TRAF3IP1: variants seen among roughly 807,000 people sequenced by gnomAD.
TRAF3IP1 encodes the protein TRAF3-interacting protein 1.
Under a neutral mutation model 89.9 loss-of-function variants are expected in TRAF3IP1, and 53 were observed. That is an observed-to-expected ratio of 0.59 (90% CI 0.47 to 0.74). The LOEUF is 0.74. Among genes scored for constraint, TRAF3IP1 ranks in the 30% least tolerant of loss-of-function variants. TRAF3IP1 has a pLI of 0.00. For synonymous variants in TRAF3IP1, 311 were observed against 322.1 expected (o/e 0.97, Z 0.37); for missense variants, 806 against 866.1 (o/e 0.93, Z 0.87).
intron 15 of TRAF3IP1, among the ~76,000 whole-genome samples, chr2:238,383,458 G>C (rs572323001): frequency 1.2e-4 from 18 of 152,160 alleles, no homozygotes; most frequent in African/African-American, 4.3e-4. Flanking sequence ...CATCCAACAG[G>C]TGAATGCTCA....
chr2:238,347,473 C>T lies in TRAF3IP1; in HGVS notation c.1280C>T (p.Ala427Val). The change falls in exon 10 of 17, where the codon GCA becomes GTA. Residue 427 changes from alanine (A) to valine (V), a missense_variant and splice_region_variant. Ala to Val is a moderately conservative substitution (Grantham distance 64). Transcript: ENST00000373327. ...EKQKGDSTSD[A>V]EGDAGPAGQD... is the part of the protein sequence containing the mutation. The stretch of plus-strand genomic sequence containing the variant: ...TCTTTAGGTGACTCCACCAGTGATG[C>T]AGGTGAGGAATGGCCTTAGATACCT... 1 of 1,614,008 alleles carries T rather than the reference C, an allele frequency of 6.2e-7. No homozygotes were observed. Among genetic ancestry groups the T allele is most frequent in the Non-Finnish European group, 8.5e-7 (1 of 1,179,984 alleles).
At chr2:238,367,034 C>T (rs995086882) in intron 15 of TRAF3IP1, among the ~76,000 whole-genome samples, 4 of 151,528 alleles carry the variant, frequency 2.6e-5, no homozygotes, top group Middle Eastern at 3.4e-3. Context: ...CGTGGTGGCA[C>T]GTGCCTGTAA....
intron 15 of TRAF3IP1, among the ~76,000 whole-genome samples, chr2:238,392,258 CT>C (rs1469662182): frequency 1.3e-5 from 2 of 152,180 alleles, no homozygotes; most frequent in Non-Finnish European, 2.9e-5. Flanking sequence ...CTTTTGCCCA[CT>C]TTCCCCCAGT....
intron 15 of TRAF3IP1, among the ~76,000 whole-genome samples, chr2:238,386,260 T>TA (rs1700762621): frequency 6.6e-6 from 1 of 152,166 alleles, no homozygotes; most frequent in Non-Finnish European, 1.5e-5. Context: ...GTCTTAGAGT[T>TA]ACAGCAGGCT....
chr2:238,334,078 G>GTTTTTTTTTTTTTTTTTTTTTTTT (rs5839695), intron 7 of TRAF3IP1, 43 bp downstream of exon 7: 1 of 993,672 alleles, frequency 1.0e-6, no homozygotes. Flanking sequence ...ATGGATATTA[G>GTTTTTTTTTTTTTTTTTTTTTTTT]TTTTTTTTTT....
In TRAF3IP1 at chr2:238,328,763, A is replaced by G; in HGVS notation, c.432A>G (p.Ser144=). ...TGAAAGGCCGGGCCTCACTGACCTC[A>G]AGATCTCAGGAATTGGATAATAAGA... ...GEVKGRASLT[S]RSQELDNKNV... The change falls in exon 4 of 17, where the codon TCA becomes TCG. Residue 144 remains serine (S), a synonymous_variant. Transcript: ENST00000373327. 6.2e-7 allele frequency: 1 copy of G among 1,614,122 alleles called. No homozygotes were observed. Among genetic ancestry groups the G allele is most frequent in the Non-Finnish European group, 8.5e-7 (1 of 1,180,026 alleles).
intron 13 of TRAF3IP1, 33 bp from the exon 14 acceptor site, chr2:238,353,140 A>T (rs1574929998): frequency 6.2e-7 from 1 of 1,613,976 alleles, no homozygotes; most frequent in East Asian, 2.2e-5. Context: ...AACAAGCCTG[A>T]ATCTTCTTTT....
In TRAF3IP1 at chr2:238,325,875, C is replaced by G; in HGVS notation, c.259C>G (p.Pro87Ala). The G allele has an allele frequency of 6.2e-7, 1 of 1,614,170 alleles. No individual in the cohort carries two copies. Among genetic ancestry groups the G allele is most frequent in the Non-Finnish European group, 8.5e-7 (1 of 1,180,020 alleles). Residue 87 changes from proline (P) to alanine (A), a missense_variant, in exon 3 of 17, where the codon CCA (proline) becomes GCA (alanine). Physicochemically the swap from Pro to Ala is conservative, Grantham distance 27. Transcript: ENST00000373327. Reference protein sequence around the residue: ...IDVVVMVSGEPLLAKPARIVA... With the variant: ...IDVVVMVSGEALLAKPARIVA... ...CGTGGTTGTAATGGTGTCGGGAGAG[C>G]CACTGTTGGCCAAACCAGCCCGAAT... is the stretch of plus-strand genomic sequence containing the variant.
intron 14 of TRAF3IP1, among the ~76,000 whole-genome samples, chr2:238,354,982 C>A (rs904182461): frequency 1.3e-5 from 2 of 151,562 alleles, no homozygotes; most frequent in African/African-American, 4.8e-5. Flanking sequence ...GGTATGTCTG[C>A]CTGTTTGTTG....
At position 238,397,544 on chromosome 2, in the gene TRAF3IP1, C is replaced by T; in HGVS notation, c.1775C>T (p.Thr592Ile). Residue 592 changes from threonine (T) to isoleucine (I), a missense_variant, in exon 16 of 17, where the codon ACC becomes ATC. Thr to Ile is a moderately conservative substitution (Grantham distance 89). Coordinates refer to ENST00000373327, the MANE Select transcript of TRAF3IP1 (RefSeq NM_015650.4). ...EIEKLRTSIQ[T>I]LCKSALPLGK... ...GAGAAGCTCCGCACGTCCATCCAGA[C>T]CCTGTGCAAGAGCGCACTTCCCCTG... 6.2e-7 allele frequency: 1 copy of T among 1,613,096 alleles called. No homozygotes were observed. The highest frequency in any genetic ancestry group is 1.1e-5 in the South Asian group (1 of 91,088).
At chr2:238,395,057 A>G (rs915691671) in intron 15 of TRAF3IP1, among the ~76,000 whole-genome samples, 14 of 152,136 alleles carry the variant, frequency 9.2e-5, no homozygotes, top group African/African-American at 3.1e-4. Flanking sequence ...GGGGGTGTCC[A>G]GGGAGGGCTT....
rs1574945879 is a variant in TRAF3IP1 at position 238,365,638 on chromosome 2, A to T, written c.1689+9558A>T. Among the ~76,000 whole-genome samples the T allele has an allele frequency of 2.0e-5, 3 of 152,242 alleles. No homozygotes were observed. The South Asian group carries it at 6.2e-4, about 32-fold the overall frequency. The stretch of plus-strand genomic sequence containing the variant: ...GCGCCACTGCACTCCAGACTGGGTG[A>T]TAGTGTGAGACCTGTCTCAAAAAAA... On this transcript the variant is annotated intron_variant, in intron 15 of 16. Transcript: ENST00000373327.
chr2:238,353,045 C>G, intron 13 of TRAF3IP1, 95 bp downstream of exon 13: 6 of 1,526,880 alleles, frequency 3.9e-6, no homozygotes, highest in Non-Finnish European at 5.4e-6. Flanking sequence ...ACAAAAATGT[C>G]CTGTAATTTT....
At chr2:238,385,258 C>T (rs1295747323) in intron 15 of TRAF3IP1, among the ~76,000 whole-genome samples, 4 of 151,764 alleles carry the variant, frequency 2.6e-5, no homozygotes, top group South Asian at 2.1e-4. Context: ...CCTCGTGATC[C>T]GCCCGCCTCG....
intron 11 of TRAF3IP1, among the ~76,000 whole-genome samples, 165 bp downstream of exon 11, chr2:238,349,013 A>G (rs1699026351): frequency 6.6e-6 from 1 of 152,252 alleles, no homozygotes; most frequent in East Asian, 1.9e-4. Context: ...TACTGGAGTT[A>G]TATCACTATA....
intron 15 of TRAF3IP1, among the ~76,000 whole-genome samples, chr2:238,370,491 C>T (rs1205020019): frequency 2.6e-5 from 4 of 152,090 alleles, no homozygotes; most frequent in Admixed American, 2.0e-4. Context: ...CTGTGCCCTC[C>T]CTACCTGGTC....
intron 15 of TRAF3IP1, among the ~76,000 whole-genome samples, chr2:238,374,231 A>G (rs556814478): frequency 3.9e-4 from 60 of 152,264 alleles, no homozygotes; most frequent in Admixed American, 2.1e-3. Context: ...GAATGCTTCC[A>G]GTTTTTGCCC....
At position 238,397,659 on chromosome 2, in the gene TRAF3IP1, G is replaced by A. The variant is rs753554756; in HGVS notation, c.1890G>A (p.Glu630=). 1 of 1,610,962 alleles carries A rather than the reference G, an allele frequency of 6.2e-7. No homozygotes were observed. The highest frequency in any genetic ancestry group is 8.5e-7 in the Non-Finnish European group (1 of 1,179,268). ...ACAGCGAGAACAGGCAGCACGCCGA[G>A]GCCCTGCAGCAGGAGCAGAGGTGGG... The part of the protein sequence containing the change: ...MWHSENRQHA[E]ALQQEQRITD... Residue 630 remains glutamate (E), a synonymous_variant, in exon 16 of 17, where the codon GAG becomes GAA. Coordinates refer to ENST00000373327, the MANE Select transcript of TRAF3IP1 (RefSeq NM_015650.4).
chr2:238,364,049 A>G (rs1417414252), intron 15 of TRAF3IP1, among the ~76,000 whole-genome samples: 1 of 152,220 alleles, frequency 6.6e-6, no homozygotes, highest in African/African-American at 2.4e-5. Context: ...TGTTATCATA[A>G]TAATTGCTTA....
Sources: allele counts gnomAD v4.1 joint callset (sites outside exome capture counted in the v4.1 genomes callset), GRCh38; gene constraint gnomAD v4.1.1; transcripts MANE v1.5; gene names NCBI Gene and HGNC (gene_info 2026-07-23, HGNC 2026-07-21).